The following COMMD1 variants were observed in gnomAD, a reference collection of about 807,000 sequenced individuals.
The protein encoded by COMMD1 is copper metabolism domain containing 1.
In COMMD1, 10 loss-of-function variants were observed where a neutral mutation model predicts 17.2. That is an observed-to-expected ratio of 0.58 (90% CI 0.36 to 0.99). The LOEUF (loss-of-function observed/expected upper bound fraction) is 0.99, where lower values mean the gene tolerates loss of function less well. Ranked by LOEUF, COMMD1 falls within the 50% of genes least tolerant of loss-of-function variation. COMMD1 has a pLI of 0.01. For missense variants in COMMD1, 270 were observed against 231.8 expected (o/e 1.17, Z -1.07); for synonymous variants, 97 against 91.6 (o/e 1.06, Z -0.34).
At chr2:61,888,409 G>C (rs758005377), upstream of COMMD1, 11 of 1,613,186 alleles carry the variant, frequency 6.8e-6, no homozygotes, top group East Asian at 1.6e-4. Flanking sequence ...TGCTGAAGCG[G>C]ATCTGGGCTG....
At chr2:62,069,362 C>A (rs1456628160) in intron 2 of COMMD1, 1 of 151,954 alleles carries the variant, frequency 6.6e-6, no homozygotes, top group Non-Finnish European at 1.5e-5. Context: ...AGGAAAGAGG[C>A]AAATATGGGA....
At chr2:62,029,707 A>T (rs1669862596) in intron 2 of COMMD1, among the ~76,000 whole-genome samples, 2 of 152,340 alleles carry the variant, frequency 1.3e-5, no homozygotes, top group Non-Finnish European at 2.9e-5. Context: ...GAAGTTCTGT[A>T]GCATGTTTCT....
intron 1 of COMMD1, among the ~76,000 whole-genome samples, chr2:61,906,071 C>A (rs906932974): frequency 6.6e-6 from 1 of 152,200 alleles, no homozygotes; most frequent in Non-Finnish European, 1.5e-5. Flanking sequence ...TGCTGAAGTT[C>A]CCAGTCCCCC....
At chr2:62,106,562 A>G (rs1262931396) in intron 2 of COMMD1, among the ~76,000 whole-genome samples, 2 of 152,180 alleles carry the variant, frequency 1.3e-5, no homozygotes, top group African/African-American at 2.4e-5. Context: ...GGGTTGACCT[A>G]TCCACACTCT....
At chr2:61,952,614 G>A (rs1359997105) in intron 1 of COMMD1, among the ~76,000 whole-genome samples, 3 of 152,026 alleles carry the variant, frequency 2.0e-5, no homozygotes, top group Non-Finnish European at 4.4e-5. Context: ...CCAGCCCCCT[G>A]CCCATCAAAT....
At chr2:61,940,948 A>G (rs566010913) in intron 1 of COMMD1, among the ~76,000 whole-genome samples, 149 of 151,928 alleles carry the variant, frequency 9.8e-4, no homozygotes, top group South Asian at 7.7e-3. Flanking sequence ...TCGGCCTCCC[A>G]AAGTGCTGAG....
intron 1 of COMMD1, among the ~76,000 whole-genome samples, chr2:61,891,816 C>G (rs960722576): frequency 1.3e-5 from 2 of 151,752 alleles, no homozygotes; most frequent in African/African-American, 4.8e-5. Context: ...TTAAAACTTT[C>G]TGATATTTAT....
chr2:61,999,821 G>C (rs1410655923), intron 1 of COMMD1, among the ~76,000 whole-genome samples: 1 of 152,066 alleles, frequency 6.6e-6, no homozygotes, highest in African/African-American at 2.4e-5. Flanking sequence ...ACCGAATTGA[G>C]TGACATGGAA....
At chr2:61,938,811 G>A (rs1453347816) in intron 1 of COMMD1, among the ~76,000 whole-genome samples, 2 of 152,130 alleles carry the variant, frequency 1.3e-5, no homozygotes, top group African/African-American at 4.8e-5. Flanking sequence ...TGGTTTCCTT[G>A]TAAGTAATGA....
intron 2 of COMMD1, among the ~76,000 whole-genome samples, chr2:62,133,940 C>T (rs887498971): frequency 6.6e-6 from 1 of 152,122 alleles, no homozygotes; most frequent in African/African-American, 2.4e-5. Context: ...TACAGGTGCG[C>T]ACCACCATGT....
intron 1 of COMMD1, among the ~76,000 whole-genome samples, chr2:61,953,270 A>G (rs1671105770): frequency 6.6e-6 from 1 of 152,068 alleles, no homozygotes; most frequent in African/African-American, 2.4e-5. Flanking sequence ...TCGGCCTCCC[A>G]ACGTGCTGCT....
chr2:61,943,109 A>G (rs1670796476), intron 1 of COMMD1, among the ~76,000 whole-genome samples: 1 of 152,232 alleles, frequency 6.6e-6, no homozygotes, highest in East Asian at 1.9e-4. Flanking sequence ...CTGAAAAGAA[A>G]GCAGAGAGAT....
At chr2:62,070,041 C>T (rs567368325) in intron 2 of COMMD1, 1 of 152,338 alleles carries the variant, frequency 6.6e-6, no homozygotes, top group East Asian at 1.9e-4. Context: ...ACTGCCCTCA[C>T]TTCAGATGCC....
intron 1 of COMMD1, among the ~76,000 whole-genome samples, chr2:61,914,396 A>G (rs190131909): frequency 0.014 from 2,089 of 151,274 alleles, 20 homozygotes; most frequent in Non-Finnish European, 0.019. Context: ...AAAATTAGCC[A>G]TGAAACCTTG....
intron 2 of COMMD1, among the ~76,000 whole-genome samples, chr2:62,015,854 C>G (rs1190252990): frequency 6.6e-6 from 1 of 151,652 alleles, no homozygotes. Flanking sequence ...TTTTTTGAGA[C>G]AAGAGTCTTG....
chr2:62,018,836 C>G (rs1669526633), intron 2 of COMMD1, among the ~76,000 whole-genome samples: 1 of 152,130 alleles, frequency 6.6e-6, no homozygotes, highest in Non-Finnish European at 1.5e-5. Flanking sequence ...AATTTAATTT[C>G]TCATAGTTCT....
intron 1 of COMMD1, among the ~76,000 whole-genome samples, chr2:61,892,393 TAGAAA>T (rs1452413746): frequency 6.6e-6 from 1 of 151,924 alleles, no homozygotes; most frequent in East Asian, 1.9e-4. Flanking sequence ...TGGTTAAGGT[TAGAAA>T]AGAAGAGAGG....
intron 1 of COMMD1, among the ~76,000 whole-genome samples, chr2:61,957,623 C>T (rs1167270265): frequency 6.6e-6 from 1 of 152,132 alleles, no homozygotes; most frequent in African/African-American, 2.4e-5. Context: ...TCTATAAAAT[C>T]TTTGTCTTAA....
At chr2:62,057,263 G>T (rs965654080) in intron 2 of COMMD1, among the ~76,000 whole-genome samples, 5 of 152,166 alleles carry the variant, frequency 3.3e-5, no homozygotes, top group Non-Finnish European at 5.9e-5. Context: ...GTGCCAAAAA[G>T]GTTGGGGACC....
Sources: allele counts gnomAD v4.1 joint callset (sites outside exome capture counted in the v4.1 genomes callset), GRCh38; gene constraint gnomAD v4.1.1; transcripts MANE v1.5; gene names NCBI Gene and HGNC (gene_info 2026-07-23, HGNC 2026-07-21).